Variants in ZMYND15 observed in about 807,000 individuals in gnomAD.
The protein encoded by ZMYND15 is zinc finger MYND domain-containing protein 15.
Under a neutral mutation model 81.7 loss-of-function variants are expected in ZMYND15, and 54 were observed. The ratio of observed to expected loss-of-function variants is 0.66; its 90% CI spans 0.53 to 0.83. The LOEUF is 0.83. Ranked by LOEUF, ZMYND15 falls within the 40% of genes least tolerant of loss-of-function variation. The pLI, the probability that ZMYND15 is intolerant of heterozygous loss-of-function variation, is 0.00. For synonymous variants in ZMYND15, 399 were observed against 387.0 expected (o/e 1.03, Z -0.36); for missense variants, 925 against 973.5 (o/e 0.95, Z 0.66).
chr17:4,745,753 C>CCCTGGGAGCCCCGACA lies in ZMYND15; in HGVS notation c.2058-57_2058-56insCCCGACACCTGGGAGC. 7.2e-7 allele frequency: 1 copy of CCCTGGGAGCCCCGACA among 1,395,032 alleles called. No homozygotes were observed. The highest frequency in any genetic ancestry group is 9.7e-7 in the Non-Finnish European group (1 of 1,030,498). The allele number at this position is 1,395,032 out of a possible 1,614,324, so 86.4% of individuals were successfully genotyped here. On this transcript the variant is annotated intron_variant, in intron 13 of 13. Coordinates refer to ENST00000433935, the MANE Select transcript of ZMYND15 (RefSeq NM_001136046.3). The surrounding 1 kb of genome is among the most constrained non-coding windows in gnomAD (Gnocchi z 5.2). ...TGACCGCGCCCCTGGGAGCCCCGACCCCTGGGAGCGCCGACCCCTGGGAGT... is the reference window on the plus strand; with the variant it reads ...TGACCGCGCCCCTGGGAGCCCCGACCCCTGGGAGCCCCGACACCTGGGAGCGCCGACCCCTGGGAGT...
chr17:4,744,480 G>A lies in ZMYND15; in HGVS notation c.1683+13G>A. 6.2e-7 allele frequency: 1 copy of A among 1,613,644 alleles called. No individual in the cohort carries two copies. The highest frequency in any genetic ancestry group is 8.5e-7 in the Non-Finnish European group (1 of 1,179,940). ...TACCCTGCAGAGGGTGAGGGCTGAG[G>A]GGGCCCTGCTTTTCAGCCCTGACCC... On this transcript the variant is annotated intron_variant, in intron 10 of 13. Transcript: ENST00000433935. The surrounding 1 kb of genome is among the most constrained non-coding windows in gnomAD (Gnocchi z 4.1).
Position 4,744,823 on chromosome 17 carries a change from G to A in ZMYND15, c.1837+45G>A. On this transcript the variant is annotated intron_variant, in intron 11 of 13. Transcript: ENST00000433935. This position sits in a 1 kb window ranked among gnomAD's most constrained non-coding sequence, Gnocchi z 4.1. ...GGTTAGGCATGTGGGGAAGGTGGGA[G>A]AGAAGCCCACCGTGGGAGCCAGCTT... The A allele has an allele frequency of 1.2e-6, 2 of 1,614,140 alleles. No homozygotes were observed. The highest frequency in any genetic ancestry group is 2.2e-5 in the South Asian group (2 of 91,086).
chr17:4,742,018 C>G lies in ZMYND15; in HGVS notation c.931C>G (p.Arg311Gly), dbSNP rs148161063. ...CTTCACCTTTGCTTCCCTTCGTGCT[C>G]GAACCTGCCATGTGTGTCACAGGCA... ...PGFTFASLRA[R>G]TCHVCHRHSF... Residue 311 changes from arginine (R) to glycine (G), a missense_variant, in exon 4 of 14, where the codon CGA becomes GGA. By Grantham distance (125) the Arg-to-Gly change is moderately radical (BLOSUM62 -2). Coordinates refer to ENST00000433935, the MANE Select transcript of ZMYND15 (RefSeq NM_001136046.3). The G allele has an allele frequency of 1.3e-5, 21 of 1,614,182 alleles. No homozygotes were observed. The highest frequency in any genetic ancestry group is 1.6e-5 in the Non-Finnish European group (19 of 1,180,036).
Position 4,745,919 on chromosome 17 carries a change from G to A in ZMYND15, c.2158G>A (p.Ala720Thr). ...CCCACCCCCATCCCCAACTCCCTCT[G>A]CTCCTCCTGCCCCCACCCGAAGGCG... ...GPPPPSPTPS[A>T]PPAPTRRRRG... The change falls in exon 14 of 14, where the codon GCT becomes ACT. Residue 720 changes from alanine to threonine, a missense_variant. Ala to Thr is a moderately conservative substitution (Grantham distance 58). Transcript: ENST00000433935. This position sits in a 1 kb window ranked among gnomAD's most constrained non-coding sequence, Gnocchi z 5.2. The A allele has an allele frequency of 4.0e-6, 6 of 1,518,682 alleles. No homozygotes were observed. Among genetic ancestry groups the A allele is most frequent in the Non-Finnish European group, 4.4e-6 (5 of 1,136,066 alleles). 94.1% of individuals were successfully genotyped at this position (1,518,682 alleles called of 1,614,324 possible). A position where few individuals can be genotyped will look rare whatever the true frequency, so the allele number is the denominator to read the frequency against.
rs1398222860 is a variant in ZMYND15 at position 4,745,318 on chromosome 17, AG to A, written c.2001del (p.Gln667HisfsTer79). 6.2e-7 allele frequency: 1 copy of A among 1,610,748 alleles called. No individual in the cohort carries two copies. Among genetic ancestry groups the A allele is most frequent in the Non-Finnish European group, 8.5e-7 (1 of 1,178,806 alleles). On this transcript the variant is annotated frameshift_variant, in exon 13 of 14. Transcript: ENST00000433935. LOFTEE classifies it high-confidence loss of function. This position sits in a 1 kb window ranked among gnomAD's most constrained non-coding sequence, Gnocchi z 5.2. ...VATGGGTSPP[Q>X]PNPFRSPFRL... ...ACTGGAGGGGGCACCAGCCCTCCCC[AG>A]CCCAACCCCTTCCGCTCCCCCTTTC...
chr17:4,745,980 G>C lies in ZMYND15; in HGVS notation c.2219G>C (p.Arg740Pro). The C allele has an allele frequency of 6.9e-7, 1 of 1,441,572 alleles. No individual in the cohort carries two copies. Among genetic ancestry groups the C allele is most frequent in the East Asian group, 2.8e-5 (1 of 35,552 alleles). 89.3% of individuals were successfully genotyped at this position (1,441,572 alleles called of 1,614,324 possible). A position where few individuals can be genotyped will look rare whatever the true frequency, so the allele number is the denominator to read the frequency against. Residue 740 changes from arginine (R) to proline (P), a missense_variant, in exon 14 of 14, where the codon CGG becomes CCG. Arg to Pro is a moderately radical substitution (Grantham distance 103). Coordinates refer to ENST00000433935, the MANE Select transcript of ZMYND15 (RefSeq NM_001136046.3). This position sits in a 1 kb window ranked among gnomAD's most constrained non-coding sequence, Gnocchi z 5.2. ...GEKKPGRGARRRK is the reference protein window; with the variant it reads ...GEKKPGRGARPRK ...AAGAAACCTGGGCGGGGGGCCCGCC[G>C]GCGGAAATGAATGCTGATACCCTAG...
In ZMYND15 at chr17:4,746,104, T is replaced by C. The variant is rs576777359; in HGVS notation, c.*114T>C. On this transcript the variant is annotated 3_prime_UTR_variant, in exon 14 of 14. Transcript: ENST00000433935. The stretch of plus-strand genomic sequence containing the variant: ...AACATGAAAAGGTAAATAAAATTAC[T>C]TGTTTGAAACCACTGAGTCATGGAT... The C allele has an allele frequency of 3.4e-6, 4 of 1,161,988 alleles. No individual in the cohort carries two copies. Among genetic ancestry groups the C allele is most frequent in the South Asian group, 4.8e-5 (2 of 41,426 alleles). 72.0% of individuals were successfully genotyped at this position (1,161,988 alleles called of 1,614,324 possible).
rs1442668667 is a variant in ZMYND15 at position 4,741,133 on chromosome 17, G to C, written c.585G>C (p.Gln195His). ...CAAGACCCCAGAAGAGGAAGGGACAGAGGAGTGGTAAGAACCCAGGGCTGG... is the reference window on the plus strand; with the variant it reads ...CAAGACCCCAGAAGAGGAAGGGACACAGGAGTGGTAAGAACCCAGGGCTGG... ...NETRPQKRKG[Q>H]RSEAAPLHVS... The change falls in exon 2 of 14, where the codon CAG (glutamine) becomes CAC (histidine). Residue 195 changes from glutamine to histidine, a missense_variant. By Grantham distance (24) the Gln-to-His change is conservative. Coordinates refer to ENST00000433935, the MANE Select transcript of ZMYND15 (RefSeq NM_001136046.3). The C allele has an allele frequency of 8.8e-6, 13 of 1,471,966 alleles. No homozygotes were observed. In the Admixed American group the frequency reaches 1.5e-4, roughly 17 times the overall value. The allele number at this position is 1,471,966 out of a possible 1,614,324, so 91.2% of individuals were successfully genotyped here.
intron 2 of ZMYND15, among the ~76,000 whole-genome samples, 162 bp from the exon 3 acceptor site, chr17:4,741,420 C>A (rs1003859044): frequency 1.4e-4 from 21 of 152,162 alleles, no homozygotes; most frequent in Admixed American, 1.4e-3. Flanking sequence ...TCCTCTGTAG[C>A]AGCTGTCCCC....
Position 4,743,262 on chromosome 17 carries a change from T to G in ZMYND15, c.1145-41T>G. 6.4e-7 allele frequency: 1 copy of G among 1,572,828 alleles called. No individual in the cohort carries two copies. On this transcript the variant is annotated intron_variant, in intron 5 of 13. Coordinates refer to ENST00000433935, the MANE Select transcript of ZMYND15 (RefSeq NM_001136046.3). This position sits in a 1 kb window ranked among gnomAD's most constrained non-coding sequence, Gnocchi z 4.3. ...TCAAAAAAAAAAAAATGTCTGGGGT[T>G]CTAGCCCAGCACCTCAACTCCTCCC...
At chr17:4,742,225 TA>T in intron 4 of ZMYND15, 105 bp from the exon 5 acceptor site, 1 of 1,542,606 alleles carries the variant, frequency 6.5e-7, no homozygotes, top group Non-Finnish European at 8.8e-7. Flanking sequence ...TTAGAGGGTG[TA>T]AGACAAACAG....
chr17:4,743,780 G>A lies in ZMYND15; in HGVS notation c.1311G>A (p.Gln437=), dbSNP rs1916541328. The A allele has an allele frequency of 9.9e-6, 16 of 1,613,966 alleles. No individual in the cohort carries two copies. Among genetic ancestry groups the A allele is most frequent in the Non-Finnish European group, 1.4e-5 (16 of 1,179,960 alleles). The part of the protein sequence containing the change: ...LSLLRGGDPY[Q]LLQGDGTALM... ...TCATCCTCTCAGGAGACCCCTACCA[G>A]CTTCTCCAGGGAGACGGGACTGCCC... Residue 437 remains glutamine, a synonymous_variant, in exon 7 of 14, where the codon CAG becomes CAA. Transcript: ENST00000433935. The surrounding 1 kb of genome is among the most constrained non-coding windows in gnomAD (Gnocchi z 4.3).
At position 4,745,895 on chromosome 17, in the gene ZMYND15, C is replaced by T. The variant is rs1223080318; in HGVS notation, c.2134C>T (p.Pro712Ser). The T allele has an allele frequency of 6.5e-7, 1 of 1,549,880 alleles. No individual in the cohort carries two copies. The highest frequency in any genetic ancestry group is 2.0e-5 in the Admixed American group (1 of 49,270). Residue 712 changes from proline (P) to serine (S), a missense_variant, in exon 14 of 14, where the codon CCA (proline) becomes TCA (serine). Physicochemically the swap from Pro to Ser is moderately conservative, Grantham distance 74. Transcript: ENST00000433935. The surrounding 1 kb of genome is among the most constrained non-coding windows in gnomAD (Gnocchi z 5.2). Reference protein sequence around the residue: ...GSGARPAPGPPPPSPTPSAPP... With the variant: ...GSGARPAPGPSPPSPTPSAPP... ...CGGGGCCCGCCCGGCGCCCGGGCCC[C>T]CACCCCCATCCCCAACTCCCTCTGC... is the stretch of plus-strand genomic sequence containing the variant.
In ZMYND15 at chr17:4,745,000, T is replaced by A; in HGVS notation, c.1896+72T>A. On this transcript the variant is annotated intron_variant, in intron 12 of 13. Coordinates refer to ENST00000433935, the MANE Select transcript of ZMYND15 (RefSeq NM_001136046.3). The surrounding 1 kb of genome is among the most constrained non-coding windows in gnomAD (Gnocchi z 4.1). ...CCCTCCCCATCTCCTTTTCTGAAAG[T>A]CTCTGGGCTCTCCTCCTCTTCACCA... 6.3e-7 allele frequency: 1 copy of A among 1,595,776 alleles called. No homozygotes were observed. The highest frequency in any genetic ancestry group is 8.6e-7 in the Non-Finnish European group (1 of 1,164,892).
chr17:4,745,066 C>G lies in ZMYND15; in HGVS notation c.1896+138C>G. On this transcript the variant is annotated intron_variant, in intron 12 of 13. Transcript: ENST00000433935. The surrounding 1 kb of genome is among the most constrained non-coding windows in gnomAD (Gnocchi z 5.2). ...ACCTGGGGAGTGCCCACGGGTCCCCCTGCCTCTCTCTGTGTCTGTCTCCGT... is the reference window on the plus strand; with the variant it reads ...ACCTGGGGAGTGCCCACGGGTCCCCGTGCCTCTCTCTGTGTCTGTCTCCGT... 3.3e-6 allele frequency: 5 copies of G among 1,533,998 alleles called. No individual in the cohort carries two copies. In the Admixed American group the frequency reaches 8.6e-5, roughly 26 times the overall value.
At position 4,745,644 on chromosome 17, in the gene ZMYND15, T is replaced by A. The variant is rs1916629755; in HGVS notation, c.2058-175T>A. Among the ~76,000 whole-genome samples, 1 of 150,956 alleles carries A rather than the reference T, an allele frequency of 6.6e-6. No homozygotes were observed. The highest frequency in any genetic ancestry group is 6.6e-5 in the Admixed American group (1 of 15,188). On this transcript the variant is annotated intron_variant, in intron 13 of 13. Transcript: ENST00000433935. The surrounding 1 kb of genome is among the most constrained non-coding windows in gnomAD (Gnocchi z 5.2). ...ACCCTCCAACAGACCCAACCCTGAG[T>A]CTAGCCCCACGCCCTGGAACTCAGA...
chr17:4,741,760 C>T lies in ZMYND15; in HGVS notation c.771C>T (p.Gly257=), dbSNP rs1240326805. The T allele has an allele frequency of 6.3e-7, 1 of 1,590,732 alleles. No individual in the cohort carries two copies. The highest frequency in any genetic ancestry group is 8.6e-7 in the Non-Finnish European group (1 of 1,166,670). The change falls in exon 3 of 14, where the codon GGC becomes GGT. Residue 257 remains glycine (G), a synonymous_variant. Transcript: ENST00000433935. The stretch of plus-strand genomic sequence containing the variant: ...GTCACAGCATGGCCTGTCCCATGGG[C>T]TCTGGGGATCCCCGAAAGCCCCGAC... ...LLCHSMACPM[G]SGDPRKPRQL...
rs755454891 is a variant in ZMYND15 at position 4,744,909 on chromosome 17, G to C, written c.1877G>C (p.Arg626Thr). The C allele has an allele frequency of 3.7e-6, 6 of 1,614,100 alleles. No individual in the cohort carries two copies. In the South Asian group the frequency reaches 6.6e-5, roughly 18 times the overall value. ...SGFALKDTWL[R>T]SLPRLQSLRV... ...TTTGCTCTCAAGGATACGTGGCTGA[G>C]GTCTCTGCCCCGGTTACAGGTGGGC... Residue 626 changes from arginine to threonine, a missense_variant, in exon 12 of 14, where the codon AGG becomes ACG. Physicochemically the swap from Arg to Thr is moderately conservative, Grantham distance 71. Coordinates refer to ENST00000433935, the MANE Select transcript of ZMYND15 (RefSeq NM_001136046.3). This position sits in a 1 kb window ranked among gnomAD's most constrained non-coding sequence, Gnocchi z 4.1.
rs1342537922 is a variant in ZMYND15, at chr17:4,742,405, TGA to T, written c.1060_1061del (p.His355ProfsTer31). The T allele has an allele frequency of 6.2e-7, 1 of 1,614,154 alleles. No homozygotes were observed. Among genetic ancestry groups the T allele is most frequent in the East Asian group, 2.2e-5 (1 of 44,878 alleles). The stretch of plus-strand genomic sequence containing the variant: ...GACTGGCAGCGGTGCCCAGATGATG[TGA>T]GTCACCGATTTTGGTGCCCAAGGCT... On this transcript the variant is annotated frameshift_variant, in exon 5 of 14. Coordinates refer to ENST00000433935, the MANE Select transcript of ZMYND15 (RefSeq NM_001136046.3). LOFTEE classifies it high-confidence loss of function.
Sources: allele counts gnomAD v4.1 joint callset (sites outside exome capture counted in the v4.1 genomes callset), GRCh38; gene constraint gnomAD v4.1.1; non-coding constraint Gnocchi (gnomAD v3.1); transcripts MANE v1.5; gene names NCBI Gene and HGNC (gene_info 2026-07-23, HGNC 2026-07-21).